The following CGB1 variants were observed in gnomAD, a reference collection of about 807,000 sequenced individuals.
CGB1 encodes choriogonadotropin subunit beta variant 1.
CGB1 carries 4 observed loss-of-function variants against 7.0 expected under a neutral mutation model. That is an observed-to-expected ratio of 0.57 (90% CI 0.28 to 1.31). CGB1 has a LOEUF of 1.31. Ranked by LOEUF, CGB1 falls within the 50% of genes most tolerant of loss-of-function variation. The pLI is 0.10. For missense variants in CGB1, 139 were observed against 219.1 expected (o/e 0.63, Z 2.31); for synonymous variants, 72 against 96.4 (o/e 0.75, Z 1.48).
At chr19:49,036,507 C>T in intron 1 of CGB1, 196 bp downstream of exon 1, 6 of 1,584,294 alleles carry the variant, frequency 3.8e-6, no homozygotes, top group Non-Finnish European at 4.3e-6. Flanking sequence ...CAGATCCGCA[C>T]CCTCAGGAAC....
Position 49,036,411 on chromosome 19 carries a change from C to A in CGB1, c.10-108G>T, listed in dbSNP as rs376632042. 5.3e-4 allele frequency: 843 copies of A among 1,597,714 alleles called. 10 individuals are homozygous for A. The East Asian group carries it at 0.011, about 22-fold the overall frequency. On this transcript the variant is annotated intron_variant, in intron 1 of 2. Transcript: ENST00000301407. ...ACAAAGACCCAGAGACCCTTCCCGG[C>A]ATCTTCTATTCAGGACCCACCACCC...
At chr19:49,036,097 C>T (rs772631971) in intron 2 of CGB1, 39 bp downstream of exon 2, 1 of 1,604,740 alleles carries the variant, frequency 6.2e-7, no homozygotes, top group Non-Finnish European at 8.5e-7. Context: ...GGGTCTGGCC[C>T]TGAGGTGGCA....
At position 49,036,856 on chromosome 19, in the gene CGB1, G is replaced by C; in HGVS notation, c.-145C>G. The C allele has an allele frequency of 1.7e-6, 2 of 1,187,104 alleles. No individual in the cohort carries two copies. Among genetic ancestry groups the C allele is most frequent in the Non-Finnish European group, 2.5e-6 (2 of 808,382 alleles). The allele number at this position is 1,187,104 out of a possible 1,614,324, so 73.5% of individuals were successfully genotyped here. On this transcript the variant is annotated 5_prime_UTR_variant, in exon 1 of 3. Transcript: ENST00000301407. ...TGGCCAGAGTCAGCGGACCCAATTG[G>C]CTGCTCTCTCTCAGATGCAGTTCCC...
chr19:49,036,397 G>C (rs1380164903), intron 1 of CGB1, 94 bp from the exon 2 acceptor site: 1 of 1,600,932 alleles, frequency 6.2e-7, no homozygotes, highest in Non-Finnish European at 8.5e-7. Flanking sequence ...CAAAGACCCA[G>C]AGACCCTTCC....
At position 49,035,908 on chromosome 19, in the gene CGB1, C is replaced by T. The variant is rs2039809839; in HGVS notation, c.178-8G>A. 2.3e-6 allele frequency: 3 copies of T among 1,290,232 alleles called. No individual in the cohort carries two copies. The highest frequency in any genetic ancestry group is 1.6e-5 in the African/African-American group (1 of 63,948). 79.9% of individuals were successfully genotyped at this position (1,290,232 alleles called of 1,614,324 possible). On this transcript the variant is annotated splice_region_variant and splice_polypyrimidine_tract_variant and intron_variant, in intron 2 of 2. Transcript: ENST00000301407. ...CCCCTGCAGCACGCGGGTCTGGAAG[C>T]CGTGTGAGTGGGGGAATGAGCATGT...
rs114431938 is a variant in CGB1, at chr19:49,036,121, C to T, written c.177+15G>A. The stretch of plus-strand genomic sequence containing the variant: ...CCTGAGGTGGCAGCACCTGCCCTGG[C>T]CCCGGGCAGCTCACCATGGTGGGGC... On this transcript the variant is annotated intron_variant, in intron 2 of 2. Coordinates refer to ENST00000301407, the MANE Select transcript of CGB1 (RefSeq NM_033377.2). 3.5e-3 allele frequency: 5,628 copies of T among 1,607,642 alleles called. 162 individuals are homozygous for T. In the African/African-American group the frequency reaches 0.067, roughly 19 times the overall value.
At position 49,035,764 on chromosome 19, in the gene CGB1, C is replaced by A; in HGVS notation, c.314G>T (p.Ser105Ile). Residue 105 changes from serine (S) to isoleucine (I), a missense_variant, in exon 3 of 3, where the codon AGC (serine) becomes ATC (isoleucine). Around this residue, in one of 4 missense-constraint regions of CGB1, gnomAD observed 60 missense variants for 105.8 expected, o/e 0.57. Transcript: ENST00000301407. Reference sequence around the variant, plus strand: ...GCGGCGGCAGAGTGCACATTGACAGCTGAGAGCCACGGCGTAGGAGACCAC... The same window carrying A: ...GCGGCGGCAGAGTGCACATTGACAGATGAGAGCCACGGCGTAGGAGACCAC... ...NPVVSYAVAL[S>I]CQCALCRRST... is the part of the protein sequence containing the mutation. 6.2e-7 allele frequency: 1 copy of A among 1,606,406 alleles called. No homozygotes were observed. Among genetic ancestry groups the A allele is most frequent in the African/African-American group, 1.4e-5 (1 of 72,944 alleles).
rs1600224353 is a variant in CGB1, at chr19:49,036,781, G to T, written c.-70C>A. Reference sequence around the variant, plus strand: ...GACATGGAAAGTAAATTGAGTCTCCGTGGGGGAGTGAGACAGGGAGTGAGG... The same window carrying T: ...GACATGGAAAGTAAATTGAGTCTCCTTGGGGGAGTGAGACAGGGAGTGAGG... On this transcript the variant is annotated 5_prime_UTR_variant, in exon 1 of 3. Transcript: ENST00000301407. 6 of 1,609,252 alleles carry T rather than the reference G, an allele frequency of 3.7e-6. No homozygotes were observed. Among genetic ancestry groups the T allele is most frequent in the African/African-American group, 1.3e-5 (1 of 74,826 alleles).
intron 1 of CGB1, 47 bp downstream of exon 1, chr19:49,036,656 C>T (rs775580246): frequency 2.5e-6 from 4 of 1,613,994 alleles, no homozygotes; most frequent in Non-Finnish European, 3.4e-6. Flanking sequence ...GCAGTCTTTC[C>T]TGGAACATCT....
rs910861384 is a variant in CGB1, at chr19:49,036,547, G to A, written c.9+156C>T. 48 of 1,609,002 alleles carry A rather than the reference G, an allele frequency of 3.0e-5. 1 individual carries two copies. In the East Asian group the frequency reaches 6.0e-4, roughly 20 times the overall value. On this transcript the variant is annotated intron_variant, in intron 1 of 2. Transcript: ENST00000301407. The stretch of plus-strand genomic sequence containing the variant: ...CCACCTGAAGCTTACTGGGGGTCAC[G>A]CTCCTCCAGAAAGAGGCCTCCTTCC...
At chr19:49,036,541 G>A in intron 1 of CGB1, 162 bp downstream of exon 1, 1 of 1,607,514 alleles carries the variant, frequency 6.2e-7, no homozygotes, top group Non-Finnish European at 8.5e-7. Context: ...GCTTACTGGG[G>A]GTCACGCTCC....
In CGB1 at chr19:49,036,483, A is replaced by T. The variant is rs2039820381; in HGVS notation, c.10-180T>A. On this transcript the variant is annotated intron_variant, in intron 1 of 2. Coordinates refer to ENST00000301407, the MANE Select transcript of CGB1 (RefSeq NM_033377.2). ...CACCCCACAGCCCAGAGGACCTGAGATACCCCAACATTTCAGATCCGCACC... is the reference window on the plus strand; with the variant it reads ...CACCCCACAGCCCAGAGGACCTGAGTTACCCCAACATTTCAGATCCGCACC... 3.0e-5 allele frequency: 47 copies of T among 1,557,068 alleles called. No individual in the cohort carries two copies. The South Asian group carries it at 5.2e-4, about 17-fold the overall frequency.
In CGB1 at chr19:49,036,883, T is replaced by G. The variant is rs185491599; in HGVS notation, c.-172A>C. ...TGCTCTCTCTCAGATGCAGTTCCCCTTCCTCCCTCCAGGGGGCGCCACGGA... is the reference window on the plus strand; with the variant it reads ...TGCTCTCTCTCAGATGCAGTTCCCCGTCCTCCCTCCAGGGGGCGCCACGGA... On this transcript the variant is annotated 5_prime_UTR_variant, in exon 1 of 3. Transcript: ENST00000301407. The G allele has an allele frequency of 3.6e-5, 32 of 896,864 alleles. No individual in the cohort carries two copies. The East Asian group carries it at 8.2e-4, about 23-fold the overall frequency. 55.6% of individuals were successfully genotyped at this position (896,864 alleles called of 1,614,324 possible).
intron 2 of CGB1, 59 bp from the exon 3 acceptor site, chr19:49,035,959 C>T: frequency 1.7e-6 from 2 of 1,201,806 alleles, no homozygotes; most frequent in Non-Finnish European, 1.1e-6. Flanking sequence ...CTCAGCTGAG[C>T]TCCCCAGCTG....
Position 49,036,682 on chromosome 19 carries a change from G to A in CGB1, c.9+21C>T, listed in dbSNP as rs759076930. On this transcript the variant is annotated intron_variant, in intron 1 of 2. Transcript: ENST00000301407. ...TGGAACATCTCCATCTTTGGTGCCC[G>A]GAAATGTGGATCTACCCTACCTTTG... The A allele has an allele frequency of 3.7e-6, 6 of 1,613,934 alleles. No homozygotes were observed. In the South Asian group the frequency reaches 4.4e-5, roughly 12 times the overall value.
rs762625218 is a variant in CGB1 at position 49,036,737 on chromosome 19, C to G, written c.-26G>C. The G allele has an allele frequency of 3.1e-6, 5 of 1,613,826 alleles. No individual in the cohort carries two copies. The highest frequency in any genetic ancestry group is 1.7e-4 in the Middle Eastern group (1 of 6,052). On this transcript the variant is annotated 5_prime_UTR_variant, in exon 1 of 3. Transcript: ENST00000301407. The stretch of plus-strand genomic sequence containing the variant: ...GTCTCTCTCTTAGCGGGATATCTTC[C>G]GCAAGCACTGGGAATGTGGACATGG...
chr19:49,036,725 C>T lies in CGB1; in HGVS notation c.-14G>A, dbSNP rs769039759. ...TACCTTTGACATGTCTCTCTCTTAG[C>T]GGGATATCTTCCGCAAGCACTGGGA... On this transcript the variant is annotated 5_prime_UTR_variant, in exon 1 of 3. Coordinates refer to ENST00000301407, the MANE Select transcript of CGB1 (RefSeq NM_033377.2). 1.2e-6 allele frequency: 2 copies of T among 1,613,850 alleles called. No homozygotes were observed. The highest frequency in any genetic ancestry group is 3.3e-5 in the Admixed American group (2 of 59,998).
At chr19:49,036,066 T>C in intron 2 of CGB1, 70 bp downstream of exon 2, 1 of 1,597,792 alleles carries the variant, frequency 6.3e-7, no homozygotes, top group Non-Finnish European at 8.5e-7. Context: ...CAGACCACCC[T>C]TCCTCCCCCG....
chr19:49,036,630 G>A (rs2039822875), intron 1 of CGB1, 73 bp downstream of exon 1: 1 of 1,614,002 alleles, frequency 6.2e-7, no homozygotes, highest in Non-Finnish European at 8.5e-7. Context: ...GGAGGTGGAA[G>A]GTGCCCAGGG....
Sources: gnomAD v4.1 joint callset for allele counts on GRCh38, gnomAD v4.1.1 for gene constraint, gnomAD v4.1.1 regional missense constraint, MANE v1.5 for transcripts, NCBI Gene and HGNC (gene_info 2026-07-23, HGNC 2026-07-21) for gene names.